The following USP15 variants were observed in gnomAD, a reference collection of about 807,000 sequenced individuals.
USP15 encodes ubiquitin specific peptidase 15, also known as ubiquitin carboxyl-terminal hydrolase 15.
USP15 carries 18 observed loss-of-function variants against 127.1 expected under a neutral mutation model. The ratio of observed to expected loss-of-function variants is 0.14; its 90% confidence interval spans 0.10 to 0.21. The LOEUF (loss-of-function observed/expected upper bound fraction) is 0.21, where lower values mean the gene tolerates loss of function less well. Ranked by LOEUF, USP15 falls within the 10% of genes least tolerant of loss-of-function variation. USP15 has a pLI of 1.00. For synonymous variants in USP15, 364 were observed against 393.7 expected, an observed-to-expected ratio of 0.92 and a Z score of 0.89; for missense variants, 805 against 1,159.9, an observed-to-expected ratio of 0.69 and a Z score of 4.44.
chr12:62,313,687 GT>G (rs981875872), intron 3 of USP15, among the ~76,000 whole-genome samples: 2 of 151,696 alleles, frequency 1.3e-5, no homozygotes, highest in African/African-American at 4.8e-5. Flanking sequence ...TAACATATTG[GT>G]TTTACAAAAC....
In USP15 at chr12:62,294,187, TC is replaced by T. The variant is rs1327279386; in HGVS notation, c.99del (p.Asp34IlefsTer73). The T allele has an allele frequency of 6.2e-7, 1 of 1,613,012 alleles. No homozygotes were observed. Among genetic ancestry groups the T allele is most frequent in the Non-Finnish European group, 8.5e-7 (1 of 1,179,622 alleles). On this transcript the variant is annotated frameshift_variant, in exon 2 of 22. Coordinates refer to ENST00000280377, the MANE Select transcript of USP15 (RefSeq NM_001252078.2). LOFTEE classifies it high-confidence loss of function. ...SLRKGDTWYL[V>X]DSRWFKQWKK... ...TTTCTTTTATTTTTTAGGTACCTAGTCGATAGTCGCTGGTTCAAACAGTGGA... is the reference window on the plus strand; with the variant it reads ...TTTCTTTTATTTTTTAGGTACCTAGTGATAGTCGCTGGTTCAAACAGTGGA...
At chr12:62,380,980 G>C (rs1238796548) in intron 8 of USP15, among the ~76,000 whole-genome samples, 2 of 151,986 alleles carry the variant, frequency 1.3e-5, no homozygotes, top group Non-Finnish European at 2.9e-5. Flanking sequence ...CAAGTAATCT[G>C]TACTGTCTCT....
rs778173242 is a variant in USP15 at position 62,382,016 on chromosome 12, ATGTG to A, written c.1089+354_1089+357del. 9.2e-4 allele frequency among the ~76,000 whole-genome samples: 140 copies of A among 152,160 alleles called. 3 individuals are homozygous for A. Among genetic ancestry groups the A allele is most frequent in the Non-Finnish European group, 1.9e-3 (127 of 67,924 alleles). On this transcript the variant is annotated intron_variant, in intron 9 of 21. Transcript: ENST00000280377. ...AATATAGTACATCTCTGGAAAACCTATGTGAATATTCTATACAAATGTAAAAGAC... is the reference window on the plus strand; with the variant it reads ...AATATAGTACATCTCTGGAAAACCTAAATATTCTATACAAATGTAAAAGAC...
chr12:62,312,336 C>T (rs1420520827), intron 3 of USP15: 3 of 334,222 alleles, frequency 9.0e-6, no homozygotes, highest in Non-Finnish European at 1.9e-5. Flanking sequence ...ACTTTTCATA[C>T]ACAGACATAA....
intron 16 of USP15, 36 bp downstream of exon 16, chr12:62,391,465 A>G (rs1447512133): frequency 3.8e-6 from 6 of 1,575,516 alleles, no homozygotes; most frequent in Non-Finnish European, 3.4e-6. Flanking sequence ...AACATTAAAC[A>G]AGCCGAGCAT....
intron 1 of USP15, chr12:62,279,096 A>G (rs1188167821): frequency 6.6e-6 from 1 of 152,174 alleles, no homozygotes; most frequent in Non-Finnish European, 1.5e-5. Context: ...ATATTGTACA[A>G]TAGACTTACT....
chr12:62,383,652 C>T (rs558502055), intron 9 of USP15, among the ~76,000 whole-genome samples, 188 bp from the exon 10 acceptor site: 1 of 152,064 alleles, frequency 6.6e-6, no homozygotes, highest in South Asian at 2.1e-4. Flanking sequence ...TATCAGGTGA[C>T]TCAAATTTTT....
intron 11 of USP15, among the ~76,000 whole-genome samples, chr12:62,389,083 C>CT (rs2067245410): frequency 6.7e-6 from 1 of 148,264 alleles, no homozygotes; most frequent in Non-Finnish European, 1.5e-5. Flanking sequence ...CAAGATCATG[C>CT]CACTGCACTC....
Position 62,401,234 on chromosome 12 carries a change from G to T in USP15, c.2722G>T (p.Asp908Tyr), listed in dbSNP as rs1426461764. ...AGATGATGGAAAATGGTACTATTTT[G>T]ATGACAGTAGTGTCTCCACTGCATC... ...NKDDGKWYYF[D>Y]DSSVSTASED... The change falls in exon 21 of 22, where the codon GAT becomes TAT. Residue 908 changes from aspartate (D) to tyrosine (Y), a missense_variant. This residue lies in a region of USP15 where 116 missense variants were observed against 157.2 expected (regional missense o/e 0.74). Coordinates refer to ENST00000280377, the MANE Select transcript of USP15 (RefSeq NM_001252078.2). 6.2e-7 allele frequency: 1 copy of T among 1,611,882 alleles called. No individual in the cohort carries two copies. Among genetic ancestry groups the T allele is most frequent in the Non-Finnish European group, 8.5e-7 (1 of 1,178,848 alleles).
chr12:62,399,554 C>T (rs988548962), intron 20 of USP15, among the ~76,000 whole-genome samples: 1 of 152,174 alleles, frequency 6.6e-6, no homozygotes, highest in African/African-American at 2.4e-5. Context: ...TCCATCCATT[C>T]TGTCGCATTC....
In USP15 at chr12:62,391,302, T is replaced by G; in HGVS notation, c.2106T>G (p.Gly702=). The part of the protein sequence containing the change: ...NGLCTEDTCK[G]QLTGHKKRLF... ...TATGTACTGAGGATACTTGCAAAGG[T>G]CAACTCACGGGACACAAAAAACGAT... is the stretch of plus-strand genomic sequence containing the variant. Residue 702 remains glycine, a synonymous_variant, in exon 16 of 22, where the codon GGT becomes GGG. Transcript: ENST00000280377. 6.2e-7 allele frequency: 1 copy of G among 1,613,548 alleles called. No individual in the cohort carries two copies. The highest frequency in any genetic ancestry group is 8.5e-7 in the Non-Finnish European group (1 of 1,179,696).
In USP15 at chr12:62,405,647, T is replaced by C. The variant is rs1196701483; in HGVS notation, c.*1272T>C. ...TTGTAAATTGGCATACAATACTGCCTTTAATAGAAAACCTAAATGCTGGGG... is the reference window on the plus strand; with the variant it reads ...TTGTAAATTGGCATACAATACTGCCCTTAATAGAAAACCTAAATGCTGGGG... On this transcript the variant is annotated 3_prime_UTR_variant, in exon 22 of 22. Transcript: ENST00000280377. 6.6e-6 allele frequency: 1 copy of C among 152,604 alleles called. No individual in the cohort carries two copies. Among genetic ancestry groups the C allele is most frequent in the Non-Finnish European group, 1.5e-5 (1 of 68,010 alleles). The allele number at this position is 152,604 out of a possible 1,614,324, so 9.5% of individuals were successfully genotyped here.
chr12:62,401,350 GC>G, intron 21 of USP15, 75 bp downstream of exon 21: 1 of 1,150,914 alleles, frequency 8.7e-7, no homozygotes, highest in Non-Finnish European at 1.3e-6. Context: ...AATAAAAGGG[GC>G]TCATGGAACA....
intron 1 of USP15, among the ~76,000 whole-genome samples, chr12:62,285,692 G>T (rs532613421): frequency 6.6e-6 from 1 of 152,208 alleles, no homozygotes; most frequent in East Asian, 1.9e-4. Context: ...TCCACTGATG[G>T]ACACTTAGGT....
intron 3 of USP15, among the ~76,000 whole-genome samples, chr12:62,309,072 A>T (rs1301481292): frequency 6.6e-6 from 1 of 152,266 alleles, no homozygotes; most frequent in African/African-American, 2.4e-5. Flanking sequence ...AAGAAGAAAC[A>T]TTATAATGTA....
At chr12:62,378,829 A>C (rs547864831) in intron 8 of USP15, among the ~76,000 whole-genome samples, 4 of 152,194 alleles carry the variant, frequency 2.6e-5, no homozygotes, top group Admixed American at 2.6e-4. Flanking sequence ...ACAAAAATTT[A>C]TTGAACCCTC....
intron 8 of USP15, among the ~76,000 whole-genome samples, chr12:62,356,250 A>G (rs1038141512): frequency 3.3e-5 from 5 of 151,882 alleles, no homozygotes; most frequent in African/African-American, 1.2e-4. Context: ...TTTTAAATCT[A>G]AACTTTTCTG....
rs1216660213 is a variant in USP15, at chr12:62,390,897, A to G, written c.1878A>G (p.Glu626=). Residue 626 remains glutamate, a synonymous_variant, in exon 15 of 22, where the codon GAA becomes GAG. Coordinates refer to ENST00000280377, the MANE Select transcript of USP15 (RefSeq NM_001252078.2). ...TCAAAATATCTACTGAAACTGAAGA[A>G]ACTGAAGGATCCCTACACTGCTGTA... ...RYVKISTETE[E]TEGSLHCCKD... is the part of the protein sequence containing the mutation. The G allele has an allele frequency of 6.2e-7, 1 of 1,612,340 alleles. No homozygotes were observed. Among genetic ancestry groups the G allele is most frequent in the Non-Finnish European group, 8.5e-7 (1 of 1,178,988 alleles).
rs116681420 is a variant in USP15, at chr12:62,320,595, G to A, written c.476-869G>A. 2.3e-3 allele frequency among the ~76,000 whole-genome samples: 343 copies of A among 152,162 alleles called. 5 individuals are homozygous for A. The highest frequency in any genetic ancestry group is 7.7e-3 in the African/African-American group (318 of 41,522). On this transcript the variant is annotated intron_variant, in intron 4 of 21. Transcript: ENST00000280377. ...ATAACGCTGTTGATATTTTGAATTA[G>A]TGCCTTTTTTTCCTACTGATTTAAT... is the stretch of plus-strand genomic sequence containing the variant.
Sources: gnomAD v4.1 joint callset for allele counts (sites outside exome capture counted in the v4.1 genomes callset) on GRCh38, gnomAD v4.1.1 for gene constraint, gnomAD v4.1.1 regional missense constraint, MANE v1.5 for transcripts, NCBI Gene and HGNC (gene_info 2026-07-23, HGNC 2026-07-21) for gene names.